The following PDE4D variants were observed in gnomAD, a reference collection of about 807,000 sequenced individuals.
PDE4D encodes the protein phosphodiesterase 4D.
A neutral mutation model predicts 87.4 loss-of-function variants in PDE4D; 24 were observed. The observed-to-expected ratio is 0.27, with a 90% CI of 0.20 to 0.39. The LOEUF (loss-of-function observed/expected upper bound fraction) is 0.39, where lower values mean the gene tolerates loss of function less well. PDE4D is among the 10% of genes least tolerant of loss of function. PDE4D has a pLI of 1.00. For synonymous variants in PDE4D, 384 were observed against 383.2 expected, an observed-to-expected ratio of 1.00 and a Z score of -0.02; for missense variants, 714 against 1,041.0, an observed-to-expected ratio of 0.69 and a Z score of 4.32.
At chr5:60,349,826 AG>A (rs1759035351) in intron 1 of PDE4D, among the ~76,000 whole-genome samples, 1 of 152,138 alleles carries the variant, frequency 6.6e-6, no homozygotes, top group South Asian at 2.1e-4. Flanking sequence ...TGAATTTTTA[AG>A]GGTGGCAAAA....
At chr5:59,211,279 G>T (rs1242600937) in intron 2 of PDE4D, among the ~76,000 whole-genome samples, 1 of 152,122 alleles carries the variant, frequency 6.6e-6, no homozygotes, top group Non-Finnish European at 1.5e-5. Flanking sequence ...AACAAATTGT[G>T]TGACGGTCTC....
At chr5:60,318,608 T>C (rs1053219046) in intron 1 of PDE4D, among the ~76,000 whole-genome samples, 1 of 152,212 alleles carries the variant, frequency 6.6e-6, no homozygotes, top group African/African-American at 2.4e-5. Context: ...GGCATGTTTT[T>C]GCAGTGGCTG....
chr5:60,072,135 C>A (rs1214646472), intron 2 of PDE4D, among the ~76,000 whole-genome samples: 1 of 152,136 alleles, frequency 6.6e-6, no homozygotes, highest in Admixed American at 6.5e-5. Flanking sequence ...ACATTCCCAC[C>A]AACAGTGTAT....
chr5:60,447,156 G>A (rs1459635911), intron 1 of PDE4D, among the ~76,000 whole-genome samples: 1 of 152,132 alleles, frequency 6.6e-6, no homozygotes, highest in Non-Finnish European at 1.5e-5. Context: ...GTATGGAGCA[G>A]GGCAAGTGGC....
intron 1 of PDE4D, among the ~76,000 whole-genome samples, chr5:59,646,713 T>C (rs905611356): frequency 2.0e-5 from 3 of 152,212 alleles, no homozygotes; most frequent in African/African-American, 7.2e-5. Flanking sequence ...TGATAGGCTT[T>C]GTGCATTTCT....
At chr5:59,045,911 A>C (rs193006818) in intron 5 of PDE4D, among the ~76,000 whole-genome samples, 2 of 152,344 alleles carry the variant, frequency 1.3e-5, no homozygotes, top group Admixed American at 1.3e-4. Context: ...TTCTCTGACG[A>C]TTATTCTTAT....
At chr5:60,396,111 G>A (rs1272466657) in intron 1 of PDE4D, among the ~76,000 whole-genome samples, 1 of 152,190 alleles carries the variant, frequency 6.6e-6, no homozygotes, top group Non-Finnish European at 1.5e-5. Flanking sequence ...TCCACCCAAA[G>A]GGGGCACTGC....
chr5:60,458,386 C>CAAAAAAAAAA (rs61006284), intron 1 of PDE4D, among the ~76,000 whole-genome samples: 1 of 75,184 alleles, frequency 1.3e-5, no homozygotes, highest in African/African-American at 5.6e-5. Flanking sequence ...GACTTCATTG[C>CAAAAAAAAAA]AAAAAAAAAA....
At chr5:59,044,462 T>C (rs1401496071) in intron 5 of PDE4D, among the ~76,000 whole-genome samples, 1 of 152,246 alleles carries the variant, frequency 6.6e-6, no homozygotes, top group Admixed American at 6.5e-5. Context: ...ATTGATACTG[T>C]CTACAGTAGA....
At chr5:59,473,730 A>G (rs1374588681) in intron 1 of PDE4D, among the ~76,000 whole-genome samples, 1 of 152,124 alleles carries the variant, frequency 6.6e-6, no homozygotes, top group Non-Finnish European at 1.5e-5. Flanking sequence ...AGCTCATCTA[A>G]CCTGTCATCA....
intron 1 of PDE4D, among the ~76,000 whole-genome samples, chr5:59,753,042 G>C (rs1760710670): frequency 6.6e-6 from 1 of 152,150 alleles, no homozygotes; most frequent in Admixed American, 6.5e-5. Context: ...TACCGTGGTA[G>C]GGTTGAATAG....
At position 60,351,162 on chromosome 5, in the gene PDE4D, A is replaced by G. The variant is rs192963534; in HGVS notation, c.-90+136780T>C. ...TTGTGGCCCTAGAAAAGAAAGCCTC[A>G]GCACAGAGCCAAAAGGCCACAGTCA... On this transcript the variant is annotated intron_variant, in intron 1 of 16. Transcript: ENST00000502484. Among the ~76,000 whole-genome samples, 28 of 152,322 alleles carry G rather than the reference A, an allele frequency of 1.8e-4. No individual in the cohort carries two copies. In the East Asian group the frequency reaches 3.5e-3, roughly 19 times the overall value.
At chr5:60,294,510 A>G (rs1753201810) in intron 1 of PDE4D, among the ~76,000 whole-genome samples, 1 of 152,082 alleles carries the variant, frequency 6.6e-6, no homozygotes, top group African/African-American at 2.4e-5. Flanking sequence ...TAGGTCTCCA[A>G]TCCATCTTGA....
chr5:59,043,450 C>G (rs943813665), intron 5 of PDE4D, among the ~76,000 whole-genome samples: 3 of 152,056 alleles, frequency 2.0e-5, no homozygotes, highest in Admixed American at 6.6e-5. Flanking sequence ...GTGAACCCGG[C>G]AGGCAGAGGT....
chr5:60,424,114 A>T (rs1743413082), intron 1 of PDE4D, among the ~76,000 whole-genome samples: 1 of 152,230 alleles, frequency 6.6e-6, no homozygotes, highest in East Asian at 1.9e-4. Context: ...AGGTACAAAG[A>T]GGAGCTGGTA....
Position 60,110,550 on chromosome 5 carries a change from G to A in PDE4D, c.42+75007C>T, listed in dbSNP as rs150225967. Among the ~76,000 whole-genome samples the A allele has an allele frequency of 7.8e-4, 118 of 152,202 alleles. 3 individuals are homozygous for A. The East Asian group carries it at 0.019, about 24-fold the overall frequency. ...AAAAGGCAACTTTTATACATTGTTGGTGCAAATGTAAATTAGTATAGCCAT... is the reference window on the plus strand; with the variant it reads ...AAAAGGCAACTTTTATACATTGTTGATGCAAATGTAAATTAGTATAGCCAT... On this transcript the variant is annotated intron_variant, in intron 2 of 16. Transcript: ENST00000502484.
At chr5:60,314,875 C>G (rs1454487978) in intron 1 of PDE4D, among the ~76,000 whole-genome samples, 1 of 152,150 alleles carries the variant, frequency 6.6e-6, no homozygotes, top group African/African-American at 2.4e-5. Flanking sequence ...TTTTCTTAAT[C>G]CAGTCTATCA....
In PDE4D at chr5:60,448,329, G is replaced by A. The variant is rs139223767; in HGVS notation, c.-90+39613C>T. On this transcript the variant is annotated intron_variant, in intron 1 of 16. Coordinates refer to the PDE4D transcript ENST00000502484. ...GAATAACTCAGAACAAAATGGTACC[G>A]TTAAAGACCTGACAGGATTTCTTGG... is the stretch of plus-strand genomic sequence containing the variant. 2.1e-4 allele frequency among the ~76,000 whole-genome samples: 32 copies of A among 152,194 alleles called. No homozygotes were observed. The East Asian group carries it at 5.6e-3, about 27-fold the overall frequency.
intron 9 of PDE4D, 42 bp downstream of exon 9, chr5:58,990,762 G>A (rs1165948397): frequency 4.8e-6 from 5 of 1,049,870 alleles, no homozygotes; most frequent in Non-Finnish European, 7.2e-6. Flanking sequence ...TGGACATTAA[G>A]TTCCTAAATA....
Sources: allele counts gnomAD v4.1 joint callset (sites outside exome capture counted in the v4.1 genomes callset), GRCh38; gene constraint gnomAD v4.1.1; transcripts MANE v1.5; gene names NCBI Gene and HGNC (gene_info 2026-07-23, HGNC 2026-07-21).